Variants in SDK1 observed in about 807,000 individuals in gnomAD.
The protein encoded by SDK1 is protein sidekick-1.
In SDK1, 157 loss-of-function variants were observed where a neutral mutation model predicts 245.5. That is an observed-to-expected ratio of 0.64 (90% CI 0.56 to 0.73). SDK1 has a LOEUF of 0.73. SDK1 is among the 30% of genes least tolerant of loss of function. The probability of loss-of-function intolerance (pLI) is 0.00; values close to 1 mark genes in which losing one functional copy is unlikely to be tolerated. For synonymous variants in SDK1, 1,647 were observed against 1,278.5 expected, an observed-to-expected ratio of 1.29 and a Z score of -6.15; for missense variants, 3,583 against 3,002.3, an observed-to-expected ratio of 1.19 and a Z score of -4.52.
At chr7:3,655,448 A>AATATATATAT (rs1194322286) in intron 4 of SDK1, among the ~76,000 whole-genome samples, 20 of 66,314 alleles carry the variant, frequency 3.0e-4, no homozygotes, top group Admixed American at 3.8e-4. Context: ...AAACAAAACA[A>AATATATATAT]ATATATATAT....
intron 1 of SDK1, among the ~76,000 whole-genome samples, chr7:3,437,375 A>G (rs570201143): frequency 2.0e-5 from 3 of 152,250 alleles, no homozygotes; most frequent in Non-Finnish European, 2.9e-5. Context: ...ATGTTTTAGC[A>G]TAATGTCACT....
At chr7:3,521,541 G>C (rs79926077) in intron 1 of SDK1, among the ~76,000 whole-genome samples, 1 of 152,196 alleles carries the variant, frequency 6.6e-6, no homozygotes, top group Admixed American at 6.5e-5. Flanking sequence ...CTTGTGATAA[G>C]CACTTATGTT....
intron 4 of SDK1, among the ~76,000 whole-genome samples, chr7:3,731,400 C>T (rs965590133): frequency 1.3e-5 from 2 of 152,168 alleles, no homozygotes; most frequent in African/African-American, 2.4e-5. Context: ...GGCACTGTCA[C>T]AATGTGGAGC....
At chr7:3,778,558 C>G (rs1305422360) in intron 4 of SDK1, among the ~76,000 whole-genome samples, 2 of 152,178 alleles carry the variant, frequency 1.3e-5, no homozygotes, top group Non-Finnish European at 2.9e-5. Flanking sequence ...CTGCACACAT[C>G]TATATTTTTA....
intron 1 of SDK1, among the ~76,000 whole-genome samples, chr7:3,587,053 T>C (rs1780714035): frequency 6.6e-6 from 1 of 152,178 alleles, no homozygotes; most frequent in Non-Finnish European, 1.5e-5. Flanking sequence ...ATCTGGGCTT[T>C]GGGCTGAGGC....
In SDK1 at chr7:3,622,130, G is replaced by A. The variant is rs192620279; in HGVS notation, c.458+2891G>A. Among the ~76,000 whole-genome samples the A allele has an allele frequency of 7.2e-5, 11 of 152,214 alleles. No individual in the cohort carries two copies. In the East Asian group the frequency reaches 9.6e-4, roughly 13 times the overall value. The stretch of plus-strand genomic sequence containing the variant: ...TTGACCTAGGGTATTTTCAACATAC[G>A]CTAAGTTTATTGGGACATAACACCT... On this transcript the variant is annotated intron_variant, in intron 2 of 44. Transcript: ENST00000404826.
intron 1 of SDK1, among the ~76,000 whole-genome samples, chr7:3,455,470 G>T (rs1297647132): frequency 6.6e-6 from 1 of 151,550 alleles, no homozygotes; most frequent in African/African-American, 2.4e-5. Flanking sequence ...GTGAGACTTG[G>T]GTGGAGATTC....
intron 4 of SDK1, among the ~76,000 whole-genome samples, chr7:3,680,443 A>G (rs778226036): frequency 6.6e-6 from 1 of 152,176 alleles, no homozygotes; most frequent in Non-Finnish European, 1.5e-5. Context: ...GCATAAAACT[A>G]TATGATTGTG....
At chr7:4,100,648 C>T (rs558368473) in intron 22 of SDK1, among the ~76,000 whole-genome samples, 2 of 152,274 alleles carry the variant, frequency 1.3e-5, no homozygotes, top group South Asian at 2.1e-4. Flanking sequence ...CTCACCAGGA[C>T]CCACCCAGGC....
intron 13 of SDK1, among the ~76,000 whole-genome samples, chr7:3,975,435 C>T (rs1453318817): frequency 6.6e-6 from 1 of 152,130 alleles, no homozygotes; most frequent in East Asian, 1.9e-4. Context: ...GGACCCTGCC[C>T]CCTTTGATCC....
chr7:4,133,515 G>T (rs1285194665), intron 28 of SDK1, among the ~76,000 whole-genome samples: 2 of 152,206 alleles, frequency 1.3e-5, no homozygotes, highest in Non-Finnish European at 2.9e-5. Flanking sequence ...CCTTCTGGGT[G>T]GGGTCTCTGT....
intron 22 of SDK1, among the ~76,000 whole-genome samples, chr7:4,089,699 C>T (rs572655394): frequency 1.3e-5 from 2 of 152,314 alleles, no homozygotes; most frequent in African/African-American, 4.8e-5. Context: ...CAGCCTGCAG[C>T]CAGTGGTTAA....
At chr7:3,784,212 C>T (rs1423213528) in intron 4 of SDK1, among the ~76,000 whole-genome samples, 1 of 151,774 alleles carries the variant, frequency 6.6e-6, no homozygotes, top group African/African-American at 2.4e-5. Flanking sequence ...ACCCCCATGC[C>T]TGGCCTATTC....
intron 20 of SDK1, 86 bp from the exon 21 acceptor site, chr7:4,076,912 C>A: frequency 8.2e-7 from 1 of 1,215,644 alleles, no homozygotes; most frequent in Non-Finnish European, 1.2e-6. Flanking sequence ...TCCATAGCTC[C>A]AAGCCTGCAA....
chr7:3,464,824 T>G (rs1780943875), intron 1 of SDK1, among the ~76,000 whole-genome samples: 1 of 152,064 alleles, frequency 6.6e-6, no homozygotes, highest in Non-Finnish European at 1.5e-5. Context: ...TTTAAAAATT[T>G]GGACAAATTT....
chr7:4,085,785 C>A (rs1781389166), intron 22 of SDK1, among the ~76,000 whole-genome samples: 1 of 152,060 alleles, frequency 6.6e-6, no homozygotes, highest in African/African-American at 2.4e-5. Flanking sequence ...GAACTCCTAA[C>A]CTCAAGTGAT....
chr7:3,344,760 A>G (rs1357783884), intron 1 of SDK1, among the ~76,000 whole-genome samples: 1 of 152,192 alleles, frequency 6.6e-6, no homozygotes, highest in East Asian at 1.9e-4. Context: ...CTTTTCATAT[A>G]TACTGCAGGA....
chr7:3,599,988 A>C (rs1402770122), intron 1 of SDK1, among the ~76,000 whole-genome samples: 1 of 152,188 alleles, frequency 6.6e-6, no homozygotes, highest in Non-Finnish European at 1.5e-5. Context: ...TTGGACAATA[A>C]TTCCATTACA....
At chr7:4,065,691 G>A (rs1436505538) in intron 19 of SDK1, among the ~76,000 whole-genome samples, 2 of 29,472 alleles carry the variant, frequency 6.8e-5, no homozygotes, top group Admixed American at 3.9e-4. Flanking sequence ...ATGAGTGGTT[G>A]TTGTTTTTTT....
Sources: allele counts gnomAD v4.1 joint callset (sites outside exome capture counted in the v4.1 genomes callset), GRCh38; gene constraint gnomAD v4.1.1; transcripts MANE v1.5; gene names NCBI Gene and HGNC (gene_info 2026-07-23, HGNC 2026-07-21).